DCLK2: variants seen among roughly 807,000 people sequenced by gnomAD.
DCLK2 encodes serine/threonine-protein kinase DCLK2.
In DCLK2, 31 loss-of-function variants were observed where a neutral mutation model predicts 78.4. The observed-to-expected ratio is 0.40, with a 90% CI of 0.30 to 0.53. The LOEUF is 0.53. Among genes scored for constraint, DCLK2 ranks in the 20% least tolerant of loss-of-function variants. The pLI is 0.61. For synonymous variants in DCLK2, 407 were observed against 374.9 expected, an observed-to-expected ratio of 1.09 and a Z score of -0.99; for missense variants, 872 against 973.7, an observed-to-expected ratio of 0.90 and a Z score of 1.39.
rs139169037 is a variant in DCLK2 at position 150,082,497 on chromosome 4, C to A, written c.421+3049C>A. Among the ~76,000 whole-genome samples the A allele has an allele frequency of 3.4e-3, 512 of 152,336 alleles. 4 individuals are homozygous for A. Among genetic ancestry groups the A allele is most frequent in the African/African-American group, 0.011 (442 of 41,568 alleles). On this transcript the variant is annotated intron_variant, in intron 1 of 15. Coordinates refer to ENST00000296550, the MANE Select transcript of DCLK2 (RefSeq NM_001040260.4). ...CTTGAGAGTCTCTGGAGACTAAAAG[C>A]TGTTCTAGTGTGAGCTGGCACTCCT...
At chr4:150,149,391 A>G (rs570316814) in intron 2 of DCLK2, among the ~76,000 whole-genome samples, 3 of 152,308 alleles carry the variant, frequency 2.0e-5, no homozygotes, top group African/African-American at 7.2e-5. Flanking sequence ...GACTCTTGGT[A>G]TATATTAAAC....
In DCLK2 at chr4:150,182,895, C is replaced by T. The variant is rs571662378; in HGVS notation, c.757-10243C>T. 2.0e-5 allele frequency among the ~76,000 whole-genome samples: 3 copies of T among 152,186 alleles called. No homozygotes were observed. In the East Asian group the frequency reaches 5.8e-4, roughly 29 times the overall value. ...TTTTTTAACTACTCTTAGATAGAGA[C>T]AGCCTTTTAGCTGAATTCTGATAAT... On this transcript the variant is annotated intron_variant, in intron 2 of 15. Coordinates refer to ENST00000296550, the MANE Select transcript of DCLK2 (RefSeq NM_001040260.4).
chr4:150,224,744 C>T (rs1741471206), intron 8 of DCLK2, among the ~76,000 whole-genome samples, 186 bp downstream of exon 8: 2 of 152,146 alleles, frequency 1.3e-5, no homozygotes, highest in African/African-American at 4.8e-5. Context: ...AATCCTAAAA[C>T]AGTAAATTGA....
rs777391741 is a variant in DCLK2 at position 150,079,300 on chromosome 4, C to T, written c.273C>T (p.Ile91=). ...ACTTCAAGGGCCTGGTGTTTGCCAT[C>T]TCCAGCGACCGCTTCCGGTCCTTCG... ...DRYFKGLVFA[I]SSDRFRSFDA... The change falls in exon 1 of 16, where the codon ATC becomes ATT. Residue 91 remains isoleucine, a synonymous_variant. Coordinates refer to ENST00000296550, the MANE Select transcript of DCLK2 (RefSeq NM_001040260.4). The T allele has an allele frequency of 5.6e-6, 9 of 1,596,650 alleles. No individual in the cohort carries two copies. The African/African-American group carries it at 6.7e-5, about 12-fold the overall frequency.
intron 1 of DCLK2, among the ~76,000 whole-genome samples, chr4:150,096,527 C>G (rs1404019905): frequency 6.6e-6 from 1 of 151,760 alleles, no homozygotes; most frequent in African/African-American, 2.4e-5. Flanking sequence ...ATGAGGGATG[C>G]CTGGGTGGGT....
intron 2 of DCLK2, among the ~76,000 whole-genome samples, chr4:150,183,059 T>A (rs2150284927): frequency 6.6e-6 from 1 of 152,258 alleles, no homozygotes; most frequent in South Asian, 2.1e-4. Flanking sequence ...ACTCCTGATA[T>A]CTATCTTCCC....
intron 2 of DCLK2, among the ~76,000 whole-genome samples, chr4:150,170,616 A>C (rs1218083634): frequency 6.6e-6 from 1 of 152,208 alleles, no homozygotes; most frequent in Non-Finnish European, 1.5e-5. Flanking sequence ...TGAAAAATAG[A>C]ACATTACAGC....
intron 15 of DCLK2, among the ~76,000 whole-genome samples, chr4:150,250,743 C>A (rs1423507918): frequency 6.6e-6 from 1 of 151,638 alleles, no homozygotes; most frequent in African/African-American, 2.4e-5. Context: ...TCCTACCCAA[C>A]TAGAAGGGAA....
At chr4:150,115,808 G>T (rs1249616282) in intron 2 of DCLK2, among the ~76,000 whole-genome samples, 1 of 152,188 alleles carries the variant, frequency 6.6e-6, no homozygotes, top group Admixed American at 6.5e-5. Context: ...TGTTTACTCA[G>T]TTGAACAGTT....
At chr4:150,236,079 G>A (rs1287790900) in intron 10 of DCLK2, among the ~76,000 whole-genome samples, 1 of 152,182 alleles carries the variant, frequency 6.6e-6, no homozygotes, top group African/African-American at 2.4e-5. Flanking sequence ...AAATCATTAA[G>A]TTGACATTTT....
At chr4:150,088,685 G>C (rs916684158) in intron 1 of DCLK2, among the ~76,000 whole-genome samples, 1 of 152,138 alleles carries the variant, frequency 6.6e-6, no homozygotes, top group Admixed American at 6.5e-5. Flanking sequence ...TTGAAAATCT[G>C]AAACTTTTTG....
chr4:150,138,622 C>A (rs913994995), intron 2 of DCLK2, among the ~76,000 whole-genome samples: 1 of 152,150 alleles, frequency 6.6e-6, no homozygotes, highest in African/African-American at 2.4e-5. Flanking sequence ...TTTATATAGA[C>A]CAGGCCTCAT....
chr4:150,199,246 C>T (rs568109677), intron 4 of DCLK2, among the ~76,000 whole-genome samples: 12 of 152,298 alleles, frequency 7.9e-5, no homozygotes, highest in Non-Finnish European at 1.0e-4. Context: ...TTAGCCTCCT[C>T]TATTTATTAG....
intron 2 of DCLK2, among the ~76,000 whole-genome samples, chr4:150,171,688 T>A (rs1391084405): frequency 1.3e-5 from 2 of 152,134 alleles, no homozygotes; most frequent in African/African-American, 4.8e-5. Context: ...ACTTGAGGAC[T>A]TAGGTTGAGG....
intron 5 of DCLK2, among the ~76,000 whole-genome samples, chr4:150,219,299 G>T (rs1042010949): frequency 9.1e-6 from 1 of 109,374 alleles, no homozygotes. Context: ...AAGGAGTTTC[G>T]CTCTTGTTGC....
At chr4:150,208,641 G>A (rs1306674428) in intron 5 of DCLK2, among the ~76,000 whole-genome samples, 1 of 152,026 alleles carries the variant, frequency 6.6e-6, no homozygotes, top group Non-Finnish European at 1.5e-5. Flanking sequence ...AAATCCTGGG[G>A]TTAGGGAGGA....
chr4:150,081,004 T>C (rs1580460397), intron 1 of DCLK2, among the ~76,000 whole-genome samples: 2 of 152,198 alleles, frequency 1.3e-5, no homozygotes, highest in African/African-American at 4.8e-5. Flanking sequence ...TTCTTAATCA[T>C]GTTAAACACT....
chr4:150,220,331 A>G (rs1045851296), intron 5 of DCLK2, among the ~76,000 whole-genome samples: 1 of 152,204 alleles, frequency 6.6e-6, no homozygotes, highest in African/African-American at 2.4e-5. Context: ...TTAAACTCCT[A>G]GGAGTCACAT....
intron 5 of DCLK2, 79 bp downstream of exon 5, chr4:150,203,968 G>A: frequency 1.5e-6 from 2 of 1,341,420 alleles, no homozygotes; most frequent in East Asian, 2.3e-5. Flanking sequence ...ATTTGTTTGG[G>A]GGCTTGAGTA....
Sources: allele counts gnomAD v4.1 joint callset (sites outside exome capture counted in the v4.1 genomes callset), GRCh38; gene constraint gnomAD v4.1.1; transcripts MANE v1.5; gene names NCBI Gene and HGNC (gene_info 2026-07-23, HGNC 2026-07-21).